TANGO6: variants seen among roughly 807,000 people sequenced by gnomAD.
The protein encoded by TANGO6 is transport and golgi organization 6 homolog, also known as transport and Golgi organization protein 6 homolog.
TANGO6 carries 90 observed loss-of-function variants against 114.2 expected under a neutral mutation model. The ratio of observed to expected loss-of-function variants is 0.79; its 90% CI spans 0.66 to 0.94. TANGO6 has a LOEUF of 0.94. TANGO6 is among the 40% of genes least tolerant of loss of function. The probability of loss-of-function intolerance (pLI) is 0.00; values close to 1 mark genes in which losing one functional copy is unlikely to be tolerated. For missense variants in TANGO6, 1,274 were observed against 1,315.3 expected (o/e 0.97, Z 0.49); for synonymous variants, 477 against 509.8 (o/e 0.94, Z 0.87).
In TANGO6 at chr16:68,927,714, C is replaced by T. The variant is rs377669999; in HGVS notation, c.2274C>T (p.Ala758=). 60 of 1,613,918 alleles carry T rather than the reference C, an allele frequency of 3.7e-5. 2 individuals carry two copies. The highest frequency in any genetic ancestry group is 4.4e-5 in the Non-Finnish European group (52 of 1,179,882). Residue 758 remains alanine, a synonymous_variant, in exon 13 of 18, where the codon GCC becomes GCT. Coordinates refer to ENST00000261778, the MANE Select transcript of TANGO6 (RefSeq NM_024562.2). The part of the protein sequence containing the change: ...ISTHGAFATE[A]VSMAAQSTLN... ...CCCATGGAGCCTTTGCCACTGAGGCCGTCAGCATGGCTGCCCAAAGTACAC... is the reference window on the plus strand; with the variant it reads ...CCCATGGAGCCTTTGCCACTGAGGCTGTCAGCATGGCTGCCCAAAGTACAC...
intron 14 of TANGO6, among the ~76,000 whole-genome samples, chr16:68,938,756 A>G (rs1963322296): frequency 6.6e-6 from 1 of 152,152 alleles, no homozygotes; most frequent in Non-Finnish European, 1.5e-5. Context: ...TTTGAGTAGC[A>G]GAGTCCAGAA....
At chr16:68,888,579 T>G (rs1235492612) in intron 7 of TANGO6, among the ~76,000 whole-genome samples, 1 of 152,212 alleles carries the variant, frequency 6.6e-6, no homozygotes, top group African/African-American at 2.4e-5. Flanking sequence ...CATTCTCATT[T>G]CCATTTTATC....
At chr16:69,009,218 A>T (rs1266598605) in intron 15 of TANGO6, among the ~76,000 whole-genome samples, 2 of 150,784 alleles carry the variant, frequency 1.3e-5, no homozygotes. Context: ...AATAGCTGGG[A>T]TTACAGGCAC....
At chr16:68,908,462 C>T (rs1237606380) in intron 10 of TANGO6, among the ~76,000 whole-genome samples, 2 of 152,042 alleles carry the variant, frequency 1.3e-5, no homozygotes, top group Admixed American at 6.5e-5. Flanking sequence ...ATCACCTGAG[C>T]TCAGGCATTT....
In TANGO6 at chr16:69,053,694, C is replaced by T. The variant is rs374585250; in HGVS notation, c.3108+13273C>T. Among the ~76,000 whole-genome samples, 12 of 152,124 alleles carry T rather than the reference C, an allele frequency of 7.9e-5. No homozygotes were observed. The East Asian group carries it at 1.5e-3, about 20-fold the overall frequency. ...GAGGACTTTATAAGAGGGTGATGAT[C>T]TGGCCAGGTGATATCATTGGGAGAC... On this transcript the variant is annotated intron_variant, in intron 17 of 17. Transcript: ENST00000261778.
At chr16:69,016,075 C>T (rs760976685) in intron 15 of TANGO6, among the ~76,000 whole-genome samples, 8 of 152,106 alleles carry the variant, frequency 5.3e-5, no homozygotes, top group Non-Finnish European at 1.0e-4. Context: ...TATTTTTTTT[C>T]ATAGCCTTCA....
At chr16:68,875,386 TATA>T (rs1962338425) in intron 5 of TANGO6, 96 bp downstream of exon 5, 2 of 1,394,976 alleles carry the variant, frequency 1.4e-6, no homozygotes, top group Non-Finnish European at 1.9e-6. Flanking sequence ...ATAAAAGCAG[TATA>T]ATATTTAAGT....
chr16:68,982,200 G>A (rs922227422), intron 15 of TANGO6, among the ~76,000 whole-genome samples: 3 of 152,108 alleles, frequency 2.0e-5, no homozygotes, highest in Admixed American at 6.5e-5. Context: ...TAAATCCAGG[G>A]CTGCCACATA....
rs141107955 is a variant in TANGO6 at position 68,900,541 on chromosome 16, C to T, written c.1485C>T (p.His495=). Residue 495 remains histidine, a synonymous_variant, in exon 8 of 18, where the codon CAC becomes CAT. Coordinates refer to ENST00000261778, the MANE Select transcript of TANGO6 (RefSeq NM_024562.2). ...LYCFTKQSVS[H]IRSLCQEILL... ...GTTTTACTAAGCAGAGTGTGTCTCA[C>T]ATAAGGTAAACAATCAAGGGACCCT... 758 of 1,610,534 alleles carry T rather than the reference C, an allele frequency of 4.7e-4. 4 individuals carry two copies. The African/African-American group carries it at 9.5e-3, about 20-fold the overall frequency.
At chr16:68,978,465 T>C (rs976554658) in intron 15 of TANGO6, among the ~76,000 whole-genome samples, 2 of 152,242 alleles carry the variant, frequency 1.3e-5, no homozygotes, top group Non-Finnish European at 2.9e-5. Flanking sequence ...TGTCCAACTG[T>C]AAACATAGCC....
intron 15 of TANGO6, among the ~76,000 whole-genome samples, chr16:69,020,900 A>AGGTATGTGTGTGTG (rs1959389733): frequency 7.9e-6 from 1 of 126,408 alleles, no homozygotes; most frequent in Non-Finnish European, 1.6e-5. Context: ...TTATATATGT[A>AGGTATGTGTGTGTG]TGTATGTGTG....
chr16:68,955,738 A>G lies in TANGO6; in HGVS notation c.2702-18290A>G, dbSNP rs565123881. Among the ~76,000 whole-genome samples the G allele has an allele frequency of 1.6e-4, 25 of 152,348 alleles. 1 individual carries two copies. In the South Asian group the frequency reaches 1.7e-3, roughly 10 times the overall value. ...GTAATACAAAGAAACCTTAACATGC[A>G]GCATATTTGTCAGGTAGATTAAAAC... is the stretch of plus-strand genomic sequence containing the variant. On this transcript the variant is annotated intron_variant, in intron 14 of 17. Coordinates refer to ENST00000261778, the MANE Select transcript of TANGO6 (RefSeq NM_024562.2).
At chr16:68,908,545 T>TCA (rs1473948186) in intron 10 of TANGO6, among the ~76,000 whole-genome samples, 1 of 151,632 alleles carries the variant, frequency 6.6e-6, no homozygotes, top group Non-Finnish European at 1.5e-5. Flanking sequence ...CCTGGCATGG[T>TCA]GGCTTGTGCC....
chr16:69,041,651 T>A (rs1371675499), intron 17 of TANGO6, among the ~76,000 whole-genome samples: 1 of 152,184 alleles, frequency 6.6e-6, no homozygotes, highest in African/African-American at 2.4e-5. Flanking sequence ...GCCATTGGAT[T>A]TCCCAGTGCT....
At chr16:69,008,183 C>T (rs928212457) in intron 15 of TANGO6, among the ~76,000 whole-genome samples, 1 of 151,980 alleles carries the variant, frequency 6.6e-6, no homozygotes, top group African/African-American at 2.4e-5. Context: ...AAAAATTGAG[C>T]AGAAAATCGA....
intron 7 of TANGO6, among the ~76,000 whole-genome samples, chr16:68,884,819 C>T (rs1257189472): frequency 6.6e-6 from 1 of 152,056 alleles, no homozygotes; most frequent in Non-Finnish European, 1.5e-5. Context: ...TCTTGGTCCC[C>T]AAAAAAGAGG....
At chr16:68,908,065 C>T (rs1164175535) in intron 10 of TANGO6, among the ~76,000 whole-genome samples, 1 of 152,124 alleles carries the variant, frequency 6.6e-6, no homozygotes, top group Non-Finnish European at 1.5e-5. Flanking sequence ...GCTTTGCTTG[C>T]TTTTCTTCTG....
At chr16:68,918,772 C>T (rs994632068) in intron 11 of TANGO6, among the ~76,000 whole-genome samples, 4 of 152,144 alleles carry the variant, frequency 2.6e-5, no homozygotes, top group Admixed American at 1.3e-4. Context: ...GGGAGCTTCC[C>T]GCTTGCTGAA....
intron 7 of TANGO6, among the ~76,000 whole-genome samples, chr16:68,885,160 G>T (rs549610973): frequency 6.6e-6 from 1 of 152,304 alleles, no homozygotes; most frequent in South Asian, 2.1e-4. Flanking sequence ...TCGGGGATGG[G>T]TAAATTGATC....
Sources: allele counts gnomAD v4.1 joint callset (sites outside exome capture counted in the v4.1 genomes callset), GRCh38; gene constraint gnomAD v4.1.1; transcripts MANE v1.5; gene names NCBI Gene and HGNC (gene_info 2026-07-23, HGNC 2026-07-21).